Variants in CNTN4 observed in about 807,000 individuals in gnomAD.
CNTN4 encodes contactin 4, also known as contactin-4.
CNTN4 carries 77 observed loss-of-function variants against 122.5 expected under a neutral mutation model. The ratio of observed to expected loss-of-function variants is 0.63; its 90% confidence interval spans 0.52 to 0.76. The LOEUF is 0.76. Ranked by LOEUF, CNTN4 falls within the 30% of genes least tolerant of loss-of-function variation. The probability of loss-of-function intolerance (pLI) is 0.00; values close to 1 mark genes in which losing one functional copy is unlikely to be tolerated. For synonymous variants in CNTN4, 512 were observed against 447.0 expected (o/e 1.15, Z -1.83); for missense variants, 1,256 against 1,259.1 (o/e 1.00, Z 0.04).
intron 4 of CNTN4, among the ~76,000 whole-genome samples, chr3:2,622,431 A>C (rs529265547): frequency 1.3e-5 from 2 of 152,254 alleles, no homozygotes; most frequent in African/African-American, 4.8e-5. Flanking sequence ...AGTTGGGATT[A>C]CAAGTGTGTG....
At chr3:2,966,679 T>A (rs1692343153) in intron 13 of CNTN4, among the ~76,000 whole-genome samples, 1 of 152,194 alleles carries the variant, frequency 6.6e-6, no homozygotes, top group Non-Finnish European at 1.5e-5. Flanking sequence ...GATACCCCAC[T>A]TACCCTGATG....
At chr3:2,851,504 G>T (rs937355803) in intron 7 of CNTN4, among the ~76,000 whole-genome samples, 2 of 152,198 alleles carry the variant, frequency 1.3e-5, no homozygotes, top group Non-Finnish European at 2.9e-5. Flanking sequence ...CACAGCACCT[G>T]GATAGCCAAT....
At chr3:2,686,350 G>C (rs1576455803) in intron 4 of CNTN4, among the ~76,000 whole-genome samples, 1 of 152,002 alleles carries the variant, frequency 6.6e-6, no homozygotes, top group East Asian at 1.9e-4. Context: ...CAGTATGAGA[G>C]ATCACAGCAA....
chr3:2,323,641 T>C (rs865853091), intron 2 of CNTN4, among the ~76,000 whole-genome samples: 35 of 152,174 alleles, frequency 2.3e-4, no homozygotes, highest in African/African-American at 8.2e-4. Context: ...TTAAGTTTCT[T>C]TGATGCTTTC....
At chr3:2,580,103 C>T (rs1038484348) in intron 4 of CNTN4, among the ~76,000 whole-genome samples, 1 of 151,998 alleles carries the variant, frequency 6.6e-6, no homozygotes, top group African/African-American at 2.4e-5. Flanking sequence ...GGGTAGAGCA[C>T]TCAGGAAGGT....
At chr3:2,170,987 A>G (rs2036477365) in intron 2 of CNTN4, among the ~76,000 whole-genome samples, 5 of 152,236 alleles carry the variant, frequency 3.3e-5, no homozygotes, top group Admixed American at 6.5e-5. Context: ...ATAATCACAT[A>G]CTACTATACG....
intron 13 of CNTN4, chr3:2,985,325 G>A (rs1577508163): frequency 6.6e-6 from 1 of 152,426 alleles, no homozygotes; most frequent in South Asian, 2.1e-4. Flanking sequence ...TGATTTAACA[G>A]AGTAATTTGT....
intron 3 of CNTN4, among the ~76,000 whole-genome samples, chr3:2,363,668 A>G (rs2045254245): frequency 6.6e-6 from 1 of 152,140 alleles, no homozygotes; most frequent in South Asian, 2.1e-4. Context: ...TTTTCACTGC[A>G]CTCTGATACT....
intron 14 of CNTN4, among the ~76,000 whole-genome samples, chr3:3,022,022 C>G (rs559409417): frequency 6.8e-6 from 1 of 147,242 alleles, no homozygotes; most frequent in Non-Finnish European, 1.5e-5. Context: ...CTCAGGAGCT[C>G]GAGACCAGCC....
chr3:2,945,052 C>G (rs1167904613), intron 13 of CNTN4, among the ~76,000 whole-genome samples: 1 of 152,066 alleles, frequency 6.6e-6, no homozygotes, highest in Non-Finnish European at 1.5e-5. Context: ...AGGCAGTTCC[C>G]CGTTTCAGGG....
chr3:2,924,709 A>C (rs2094457313), intron 12 of CNTN4, among the ~76,000 whole-genome samples: 1 of 152,218 alleles, frequency 6.6e-6, no homozygotes, highest in African/African-American at 2.4e-5. Flanking sequence ...TAATAGAGCT[A>C]TCTCAACACC....
At chr3:2,171,165 A>G (rs1313675722) in intron 2 of CNTN4, among the ~76,000 whole-genome samples, 1 of 152,174 alleles carries the variant, frequency 6.6e-6, no homozygotes, top group African/African-American at 2.4e-5. Context: ...AGTATTTTTT[A>G]TTACATCCAA....
At chr3:2,495,988 T>TAACC (rs918865713) in intron 3 of CNTN4, among the ~76,000 whole-genome samples, 4 of 152,208 alleles carry the variant, frequency 2.6e-5, no homozygotes, top group African/African-American at 9.7e-5. Flanking sequence ...CTTCTGTCCC[T>TAACC]AACCATCCAG....
intron 2 of CNTN4, among the ~76,000 whole-genome samples, chr3:2,126,900 C>A (rs1295636161): frequency 6.6e-6 from 1 of 152,136 alleles, no homozygotes; most frequent in Admixed American, 6.5e-5. Flanking sequence ...TCTGGGAAAG[C>A]TGCACAAGTG....
rs182008043 is a variant in CNTN4 at position 2,866,709 on chromosome 3, G to T, written c.455-43G>T. 1.9e-4 allele frequency: 301 copies of T among 1,547,480 alleles called. No homozygotes were observed. The African/African-American group carries it at 3.5e-3, about 18-fold the overall frequency. On this transcript the variant is annotated intron_variant, in intron 7 of 24. Transcript: ENST00000418658. ...CTTTCATGAAAACAGTAGAGTTCCAGTGCCAAAAGACATATTTGTAATGAA... is the reference window on the plus strand; with the variant it reads ...CTTTCATGAAAACAGTAGAGTTCCATTGCCAAAAGACATATTTGTAATGAA...
chr3:2,358,639 C>G (rs1247253413), intron 3 of CNTN4, among the ~76,000 whole-genome samples: 1 of 151,988 alleles, frequency 6.6e-6, no homozygotes, highest in Non-Finnish European at 1.5e-5. Flanking sequence ...CATTGCTTTT[C>G]CTATTAGCAG....
chr3:2,287,702 A>AGAG (rs1304060107), intron 2 of CNTN4, among the ~76,000 whole-genome samples: 2 of 61,498 alleles, frequency 3.3e-5, no homozygotes, highest in African/African-American at 6.0e-5. Context: ...AGGAAGAAGA[A>AGAG]GAAGAAGAGG....
intron 4 of CNTN4, among the ~76,000 whole-genome samples, chr3:2,636,411 A>C (rs1042129844): frequency 1.3e-5 from 2 of 152,200 alleles, no homozygotes; most frequent in African/African-American, 4.8e-5. Flanking sequence ...CTGTGTAATC[A>C]TTTTATAGAA....
At chr3:2,255,152 C>T (rs1377023569) in intron 2 of CNTN4, among the ~76,000 whole-genome samples, 1 of 152,154 alleles carries the variant, frequency 6.6e-6, no homozygotes, top group Non-Finnish European at 1.5e-5. Context: ...AATCCTTTCT[C>T]CATTGCTTGT....
Sources: gnomAD v4.1 joint callset for allele counts (sites outside exome capture counted in the v4.1 genomes callset) on GRCh38, gnomAD v4.1.1 for gene constraint, MANE v1.5 for transcripts, NCBI Gene and HGNC (gene_info 2026-07-23, HGNC 2026-07-21) for gene names.